The following ASXL2 variants were observed in gnomAD, a reference collection of about 807,000 sequenced individuals.
ASXL2 encodes the protein putative Polycomb group protein ASXL2.
ASXL2 carries 23 observed loss-of-function variants against 122.0 expected under a neutral mutation model. The ratio of observed to expected loss-of-function variants is 0.19; its 90% CI spans 0.14 to 0.27. The LOEUF is 0.27. ASXL2 is among the 10% of genes least tolerant of loss of function. The pLI is 1.00. For missense variants in ASXL2, 1,518 were observed against 1,713.8 expected, an observed-to-expected ratio of 0.89 and a Z score of 2.02; for synonymous variants, 650 against 637.0, an observed-to-expected ratio of 1.02 and a Z score of -0.31.
chr2:25,818,772 T>C (rs1275266934), intron 3 of ASXL2, among the ~76,000 whole-genome samples: 1 of 152,164 alleles, frequency 6.6e-6, no homozygotes, highest in East Asian at 1.9e-4. Flanking sequence ...ATAGGAAGTT[T>C]CAGGTAAGAT....
intron 5 of ASXL2, among the ~76,000 whole-genome samples, chr2:25,771,983 C>G (rs1361495515): frequency 1.3e-5 from 2 of 152,138 alleles, no homozygotes; most frequent in African/African-American, 4.8e-5. Context: ...CAGTTTTAAT[C>G]CTTACATTCC....
chr2:25,752,802 G>A (rs540769144), intron 11 of ASXL2, among the ~76,000 whole-genome samples: 3 of 150,338 alleles, frequency 2.0e-5, no homozygotes, highest in South Asian at 4.2e-4. Flanking sequence ...CTGAGATTGC[G>A]CCACTGTACT....
chr2:25,753,607 G>A lies in ASXL2; in HGVS notation c.1069C>T (p.Arg357Ter). The A allele has an allele frequency of 6.2e-7, 1 of 1,613,090 alleles. No individual in the cohort carries two copies. The highest frequency in any genetic ancestry group is 8.5e-7 in the Non-Finnish European group (1 of 1,179,670). The change falls in exon 11 of 13, where the codon CGA (arginine) becomes TGA (stop). Residue 357 changes from arginine (R) to a stop codon, truncating the protein, a stop_gained. Transcript: ENST00000435504. LOFTEE classifies it high-confidence loss of function. The part of the protein sequence containing the change: ...EFTPEMQVRI[R>*]QEIEKEKKVE... ...TTTTTCTCCTTCTCAATCTCTTGTC[G>A]AATTCTCACCTGCATCTCAGGTGTA...
At chr2:25,786,856 A>AAAAC (rs2088756588) in intron 5 of ASXL2, among the ~76,000 whole-genome samples, 1 of 152,102 alleles carries the variant, frequency 6.6e-6, no homozygotes. Context: ...CCCTGTCTCA[A>AAAAC]AAACAAACAA....
intron 8 of ASXL2, 57 bp from the exon 9 acceptor site, chr2:25,759,702 A>C: frequency 6.4e-7 from 1 of 1,551,446 alleles, no homozygotes; most frequent in Non-Finnish European, 8.8e-7. Flanking sequence ...TTTCTATATA[A>C]ACTGTAGCTT....
intron 1 of ASXL2, among the ~76,000 whole-genome samples, chr2:25,874,360 A>G (rs551343445): frequency 1.3e-5 from 2 of 152,230 alleles, no homozygotes; most frequent in South Asian, 2.1e-4. Context: ...ATGGCAGCGC[A>G]TGCCTGTAGT....
chr2:25,753,734 A>C, intron 10 of ASXL2, 95 bp from the exon 11 acceptor site: 1 of 929,608 alleles, frequency 1.1e-6, no homozygotes, highest in Middle Eastern at 2.2e-4. Context: ...AGGAATTGGA[A>C]TACTACCATG....
At chr2:25,785,700 C>A (rs1206597594) in intron 5 of ASXL2, among the ~76,000 whole-genome samples, 1 of 152,048 alleles carries the variant, frequency 6.6e-6, no homozygotes, top group African/African-American at 2.4e-5. Context: ...GTGCCCACCA[C>A]CACGCCTGGC....
At chr2:25,846,422 G>C (rs2089649901) in intron 1 of ASXL2, among the ~76,000 whole-genome samples, 1 of 152,146 alleles carries the variant, frequency 6.6e-6, no homozygotes, top group African/African-American at 2.4e-5. Flanking sequence ...GAGGCGGACA[G>C]ATGACTCTTG....
chr2:25,814,407 A>G (rs2089210207), intron 3 of ASXL2, among the ~76,000 whole-genome samples: 1 of 152,278 alleles, frequency 6.6e-6, no homozygotes, highest in Non-Finnish European at 1.5e-5. Flanking sequence ...TGATAAAACC[A>G]TAGTACTGAG....
At chr2:25,849,703 T>G (rs965193846) in intron 1 of ASXL2, among the ~76,000 whole-genome samples, 1 of 152,050 alleles carries the variant, frequency 6.6e-6, no homozygotes, top group African/African-American at 2.4e-5. Context: ...CTCGAACTGC[T>G]GGGTTTTTGT....
At chr2:25,878,120 G>A (rs2090025286) in intron 1 of ASXL2, 46 bp downstream of exon 1, 1 of 1,610,650 alleles carries the variant, frequency 6.2e-7, no homozygotes, top group Non-Finnish European at 8.5e-7. Flanking sequence ...CGGGCGACAA[G>A]GGAACAAAAT....
intron 8 of ASXL2, 21 bp from the exon 9 acceptor site, chr2:25,759,666 C>A: frequency 3.8e-6 from 6 of 1,596,710 alleles, no homozygotes; most frequent in Non-Finnish European, 5.1e-6. Context: ...AGAGAAGAAT[C>A]GTTTGGGCCT....
intron 8 of ASXL2, among the ~76,000 whole-genome samples, chr2:25,763,332 A>G (rs1434210706): frequency 6.6e-6 from 1 of 152,106 alleles, no homozygotes; most frequent in Non-Finnish European, 1.5e-5. Context: ...TCTACTAAAA[A>G]TACAAAAATT....
At position 25,811,150 on chromosome 2, in the gene ASXL2, G is replaced by A. The variant is rs149884680; in HGVS notation, c.144-4813C>T. 9.8e-3 allele frequency among the ~76,000 whole-genome samples: 1,480 copies of A among 151,384 alleles called. 25 individuals are homozygous for A. Among genetic ancestry groups the A allele is most frequent in the African/African-American group, 0.032 (1,325 of 41,246 alleles). On this transcript the variant is annotated intron_variant, in intron 3 of 12. Coordinates refer to ENST00000435504, the MANE Select transcript of ASXL2 (RefSeq NM_018263.6). ...CGCCTGTAGTACCAGCTACTTTGGAGGCTGAGGCGGGAAGATCACCTGAGC... is the reference window on the plus strand; with the variant it reads ...CGCCTGTAGTACCAGCTACTTTGGAAGCTGAGGCGGGAAGATCACCTGAGC...
At chr2:25,846,133 T>G (rs1223304726) in intron 1 of ASXL2, among the ~76,000 whole-genome samples, 1 of 152,196 alleles carries the variant, frequency 6.6e-6, no homozygotes, top group Admixed American at 6.5e-5. Context: ...GCAGACTAAG[T>G]GCAGGCAGAA....
rs1275847729 is a variant in ASXL2 at position 25,744,814 on chromosome 2, A to C, written c.1861-338T>G. The stretch of plus-strand genomic sequence containing the variant: ...TTCTATGGTATTTGCATTTTTAAAA[A>C]GTGTATTTATGTTTGAGAAAGAAGA... On this transcript the variant is annotated intron_variant, in intron 12 of 12. Transcript: ENST00000435504. The surrounding 1 kb of genome is among the most constrained non-coding windows in gnomAD (Gnocchi z 4.7). Among the ~76,000 whole-genome samples the C allele has an allele frequency of 6.6e-6, 1 of 152,176 alleles. No homozygotes were observed. Among genetic ancestry groups the C allele is most frequent in the Non-Finnish European group, 1.5e-5 (1 of 68,034 alleles).
intron 1 of ASXL2, among the ~76,000 whole-genome samples, chr2:25,848,979 A>T: frequency 6.9e-6 from 1 of 145,146 alleles, no homozygotes; most frequent in Non-Finnish European, 1.5e-5. Context: ...CAGGAGGCGG[A>T]GGTTGCAGTG....
At chr2:25,779,609 C>G (rs948787685) in intron 5 of ASXL2, among the ~76,000 whole-genome samples, 2 of 152,164 alleles carry the variant, frequency 1.3e-5, no homozygotes, top group Non-Finnish European at 2.9e-5. Context: ...GTCTCCCATA[C>G]CTAAGCTACA....
Sources: allele counts gnomAD v4.1 joint callset (sites outside exome capture counted in the v4.1 genomes callset), GRCh38; gene constraint gnomAD v4.1.1; non-coding constraint Gnocchi (gnomAD v3.1); transcripts MANE v1.5; gene names NCBI Gene and HGNC (gene_info 2026-07-23, HGNC 2026-07-21).